RAF1: variants seen among roughly 807,000 people sequenced by gnomAD.
The protein encoded by RAF1 is Raf-1 proto-oncogene, serine/threonine kinase, also known as RAF proto-oncogene serine/threonine-protein kinase.
RAF1 carries 27 observed loss-of-function variants against 81.1 expected under a neutral mutation model. The observed-to-expected ratio is 0.33, with a 90% CI of 0.25 to 0.46. The LOEUF (loss-of-function observed/expected upper bound fraction) is 0.46, where lower values mean the gene tolerates loss of function less well. Ranked by LOEUF, RAF1 falls within the 20% of genes least tolerant of loss-of-function variation. The probability of loss-of-function intolerance (pLI) is 1.00; values close to 1 mark genes in which losing one functional copy is unlikely to be tolerated. For synonymous variants in RAF1, 298 were observed against 294.0 expected, an observed-to-expected ratio of 1.01 and a Z score of -0.14; for missense variants, 598 against 826.0, an observed-to-expected ratio of 0.72 and a Z score of 3.38.
intron 11 of RAF1, among the ~76,000 whole-genome samples, chr3:12,594,817 G>A (rs1239862393): frequency 6.6e-6 from 1 of 152,116 alleles, no homozygotes; most frequent in East Asian, 1.9e-4. Context: ...GACTGAACAG[G>A]GTCAACCAAA....
intron 1 of RAF1, among the ~76,000 whole-genome samples, chr3:12,654,289 T>C (rs996296004): frequency 6.6e-6 from 1 of 150,608 alleles, no homozygotes; most frequent in Non-Finnish European, 1.5e-5. Flanking sequence ...AGGCTGGCCC[T>C]AAATACATTA....
intron 14 of RAF1, 71 bp downstream of exon 13, chr3:12,587,520 T>C: frequency 3.6e-6 from 5 of 1,399,800 alleles, no homozygotes; most frequent in Admixed American, 3.4e-5. Flanking sequence ...CCACTTGTGA[T>C]AGAAAGCCTC....
intron 5 of RAF1, among the ~76,000 whole-genome samples, chr3:12,607,949 CAAAAAA>C (rs58308841): frequency 1.0e-3 from 70 of 66,844 alleles, no homozygotes; most frequent in African/African-American, 3.7e-3. Flanking sequence ...GACTTGTCTC[CAAAAAA>C]AAAAAAAAAA....
At chr3:12,631,575 G>A (rs918228210) in intron 1 of RAF1, among the ~76,000 whole-genome samples, 4 of 152,204 alleles carry the variant, frequency 2.6e-5, no homozygotes, top group Admixed American at 1.3e-4. Flanking sequence ...CTCCAGCCTA[G>A]GCGACACAGT....
chr3:12,591,977 G>A (rs2058529711), intron 11 of RAF1, 185 bp from the exon 11 acceptor site: 1 of 631,432 alleles, frequency 1.6e-6, no homozygotes, highest in South Asian at 1.8e-5. Context: ...AGGCTAGAGT[G>A]CAGTGGCACA....
At chr3:12,624,244 GC>G (rs2059633062) in intron 1 of RAF1, among the ~76,000 whole-genome samples, 1 of 152,228 alleles carries the variant, frequency 6.6e-6, no homozygotes, top group East Asian at 1.9e-4. Context: ...TGCTTCAAGG[GC>G]CCTACAAGTT....
chr3:12,639,385 G>A (rs535339824), intron 1 of RAF1, among the ~76,000 whole-genome samples: 1 of 152,266 alleles, frequency 6.6e-6, no homozygotes, highest in South Asian at 2.1e-4. Flanking sequence ...AATCAGGCAA[G>A]AGAAAGAAAT....
chr3:12,607,647 T>C (rs913942461), intron 5 of RAF1, among the ~76,000 whole-genome samples: 2 of 150,942 alleles, frequency 1.3e-5, no homozygotes, highest in African/African-American at 4.9e-5. Flanking sequence ...GACCCTGTCT[T>C]TAAAAAATAA....
chr3:12,591,908 G>C, intron 11 of RAF1, 116 bp from the exon 11 acceptor site: 3 of 820,820 alleles, frequency 3.7e-6, no homozygotes, highest in Non-Finnish European at 6.1e-6. Flanking sequence ...TACCTACACA[G>C]ATACGGCAAA....
chr3:12,651,183 T>C, intron 1 of RAF1, among the ~76,000 whole-genome samples: 1 of 152,220 alleles, frequency 6.6e-6, no homozygotes, highest in Middle Eastern at 3.2e-3. Context: ...AAACATTACA[T>C]GTATTAGAGG....
chr3:12,639,145 G>T (rs920890586), intron 1 of RAF1, among the ~76,000 whole-genome samples: 2 of 152,110 alleles, frequency 1.3e-5, no homozygotes, highest in Admixed American at 1.3e-4. Context: ...AATAGATGCA[G>T]AAAAGGCCTT....
At chr3:12,652,052 A>AATG (rs1559489157) in intron 1 of RAF1, among the ~76,000 whole-genome samples, 2 of 130,460 alleles carry the variant, frequency 1.5e-5, no homozygotes, top group African/African-American at 5.7e-5. Context: ...ATAAATAAAT[A>AATG]AATGATATAA....
At position 12,609,006 on chromosome 3, in the gene RAF1, G is replaced by C. The variant is rs540395023; in HGVS notation, c.424-83C>G. 3.5e-5 allele frequency: 53 copies of C among 1,506,148 alleles called. No homozygotes were observed. The African/African-American group carries it at 7.2e-4, about 21-fold the overall frequency. 93.3% of individuals were successfully genotyped at this position (1,506,148 alleles called of 1,614,324 possible). On this transcript the variant is annotated intron_variant, in intron 4 of 17. Transcript: ENST00000442415. The stretch of plus-strand genomic sequence containing the variant: ...ACTTCATTTCTTGGCCTCCAAAAAA[G>C]TTTTTACAAAATGAATCATACTTCC...
At chr3:12,617,758 C>T (rs1435806555) in intron 2 of RAF1, among the ~76,000 whole-genome samples, 2 of 151,076 alleles carry the variant, frequency 1.3e-5, no homozygotes, top group African/African-American at 4.9e-5. Context: ...CCAGGCGTGG[C>T]GGTGTGTGCC....
Position 12,590,420 on chromosome 3 carries a change from G to A in RAF1, c.1430+378C>T, listed in dbSNP as rs533587915. 137 of 111,154 alleles carry A rather than the reference G, an allele frequency of 1.2e-3. No individual in the cohort carries two copies. The African/African-American group carries it at 0.013, about 11-fold the overall frequency. The allele number at this position is 111,154 out of a possible 1,614,324, so 6.9% of individuals were successfully genotyped here. Reference sequence around the variant, plus strand: ...CTCCCCGCAACCTCTGCTTTCCAATGTTCAAGCGATTCTCCCTGTCCCAGT... The same window carrying A: ...CTCCCCGCAACCTCTGCTTTCCAATATTCAAGCGATTCTCCCTGTCCCAGT... On this transcript the variant is annotated intron_variant, in intron 13 of 17. Coordinates refer to ENST00000442415, the MANE Select transcript of RAF1 (RefSeq NM_001354689.3).
At chr3:12,618,895 G>A in intron 1 of RAF1, 148 bp from the exon 2 acceptor site, 1 of 665,328 alleles carries the variant, frequency 1.5e-6, no homozygotes, top group East Asian at 2.7e-5. Flanking sequence ...TTCTTTAATA[G>A]TACACTTCCA....
Position 12,617,723 on chromosome 3 carries a change from T to C in RAF1, c.207+792A>G, listed in dbSNP as rs1177814508. Among the ~76,000 whole-genome samples the C allele has an allele frequency of 7.9e-5, 12 of 151,750 alleles. No homozygotes were observed. The East Asian group carries it at 2.3e-3, about 30-fold the overall frequency. On this transcript the variant is annotated intron_variant, in intron 2 of 17. Coordinates refer to ENST00000442415, the MANE Select transcript of RAF1 (RefSeq NM_001354689.3). Reference sequence around the variant, plus strand: ...TAACATGGTGAAACCCCGTCTCTACTAAAAATACAAAAAACAAAAATCAGC... The same window carrying C: ...TAACATGGTGAAACCCCGTCTCTACCAAAAATACAAAAAACAAAAATCAGC...
chr3:12,584,919 G>A lies in RAF1; in HGVS notation c.1791C>T (p.Cys597=). ...CTACCAGCCTCTTCATTGCTTTGGG[G>A]CAGTTCTTATATAGCTTACTAAGAT... The change falls in exon 17 of 18, where the codon TGC becomes TGT. Residue 597 remains cysteine, a synonymous_variant. Transcript: ENST00000442415. 1.2e-6 allele frequency: 2 copies of A among 1,614,150 alleles called. No homozygotes were observed. The highest frequency in any genetic ancestry group is 1.6e-4 in the Middle Eastern group (1 of 6,062).
At chr3:12,597,381 G>A (rs920900634) in intron 11 of RAF1, among the ~76,000 whole-genome samples, 3 of 152,146 alleles carry the variant, frequency 2.0e-5, no homozygotes, top group Non-Finnish European at 2.9e-5. Context: ...ATGAAAGTGC[G>A]CAACCAGAGG....
Sources: gnomAD v4.1 joint callset for allele counts (sites outside exome capture counted in the v4.1 genomes callset) on GRCh38, gnomAD v4.1.1 for gene constraint, MANE v1.5 for transcripts, NCBI Gene and HGNC (gene_info 2026-07-23, HGNC 2026-07-21) for gene names.